Variants in OR3A2 observed in about 807,000 individuals in gnomAD.
The protein encoded by OR3A2 is olfactory receptor family 3 subfamily A member 2.
For synonymous variants in OR3A2, 126 were observed against 159.3 expected (o/e 0.79, Z 1.57); for missense variants, 318 against 392.8 (o/e 0.81, Z 1.61).
chr17:3,349,855 A>G (rs1391862239), intron 2 of OR3A2, among the ~76,000 whole-genome samples: 1 of 152,292 alleles, frequency 6.6e-6, no homozygotes, highest in Admixed American at 6.5e-5. Flanking sequence ...GTGCAATCAA[A>G]CTAGAACTCA....
chr17:3,363,832 G>A (rs532942446), intron 2 of OR3A2, among the ~76,000 whole-genome samples: 3 of 152,322 alleles, frequency 2.0e-5, no homozygotes, highest in East Asian at 1.9e-4. Flanking sequence ...AGAAGGTGAA[G>A]CAGAAACAAG....
At chr17:3,320,473 T>C (rs1461113599) in intron 3 of OR3A2, among the ~76,000 whole-genome samples, 1 of 125,836 alleles carries the variant, frequency 7.9e-6, no homozygotes, top group Admixed American at 9.1e-5. Flanking sequence ...TCCTGAATGG[T>C]ATTGCATAGG....
rs199598982 is a variant in OR3A2, at chr17:3,300,691, TC to T, written c.-84-21539del. Reference sequence around the variant, plus strand: ...AAATATTGAGCAACAAAAATTTTTTTCTTTTTTTTTTAAATTATACTTTAAG... The same window carrying T: ...AAATATTGAGCAACAAAAATTTTTTTTTTTTTTTTTAAATTATACTTTAAG... On this transcript the variant is annotated intron_variant, in intron 3 of 4. Transcript: ENST00000573491. Among the ~76,000 whole-genome samples the T allele has an allele frequency of 2.6e-5, 3 of 114,660 alleles. No homozygotes were observed. In the East Asian group the frequency reaches 6.7e-3, roughly 257 times the overall value. The allele number at this position is 114,660 out of a possible 152,430, so 75.2% of individuals were successfully genotyped here.
chr17:3,337,677 A>T (rs954684026), intron 2 of OR3A2, among the ~76,000 whole-genome samples: 3 of 152,124 alleles, frequency 2.0e-5, no homozygotes, highest in East Asian at 1.9e-4. Flanking sequence ...TCTATCACTG[A>T]TGGACATTTG....
intron 2 of OR3A2, among the ~76,000 whole-genome samples, chr17:3,345,658 G>T (rs1049213981): frequency 6.6e-6 from 1 of 151,944 alleles, no homozygotes; most frequent in Admixed American, 6.6e-5. Context: ...AAGTCTCCCA[G>T]AAAGTAGAGA....
chr17:3,332,600 T>A (rs929174706), intron 3 of OR3A2, among the ~76,000 whole-genome samples: 2 of 152,212 alleles, frequency 1.3e-5, no homozygotes, highest in African/African-American at 4.8e-5. Context: ...GCCCACTGTC[T>A]GGCACTCCCT....
chr17:3,280,132 G>A (rs1270734629), intron 1 of OR3A2, among the ~76,000 whole-genome samples: 1 of 152,150 alleles, frequency 6.6e-6, no homozygotes, highest in Non-Finnish European at 1.5e-5. Context: ...GCCGCCAGGT[G>A]CAGTTACATT....
intron 2 of OR3A2, among the ~76,000 whole-genome samples, chr17:3,342,991 C>T (rs9899523): frequency 0.045 from 6,835 of 152,292 alleles, 514 homozygotes; most frequent in African/African-American, 0.15. Context: ...CCAGGCTTGC[C>T]GCCTTGCAGT....
intron 2 of OR3A2, among the ~76,000 whole-genome samples, chr17:3,369,729 G>A (rs1366435766): frequency 6.6e-6 from 1 of 151,128 alleles, no homozygotes; most frequent in African/African-American, 2.4e-5. Context: ...TTAGTATTAG[G>A]GTAATCCTGG....
intron 3 of OR3A2, among the ~76,000 whole-genome samples, chr17:3,303,780 T>A (rs1354174123): frequency 2.0e-5 from 3 of 147,670 alleles, no homozygotes; most frequent in Admixed American, 6.8e-5. Flanking sequence ...TAATCCCAGC[T>A]ACTGGGGAAG....
chr17:3,290,784 A>T lies in OR3A2; in HGVS notation c.-84-11631T>A, dbSNP rs149197875. Among the ~76,000 whole-genome samples, 840 of 152,342 alleles carry T rather than the reference A, an allele frequency of 5.5e-3. 12 individuals are homozygous for T. Among genetic ancestry groups the T allele is most frequent in the African/African-American group, 0.019 (804 of 41,568 alleles). ...CACCATATGACTTGCATTTATAGTTATGGATTATCTCAGCAAGGAGGTTTG... is the reference window on the plus strand; with the variant it reads ...CACCATATGACTTGCATTTATAGTTTTGGATTATCTCAGCAAGGAGGTTTG... On this transcript the variant is annotated intron_variant, in intron 3 of 4. Coordinates refer to the OR3A2 transcript ENST00000573491.
At chr17:3,286,244 C>CTCAT (rs2048809381), upstream of OR3A2, among the ~76,000 whole-genome samples, 1 of 152,212 alleles carries the variant, frequency 6.6e-6, no homozygotes, top group Non-Finnish European at 1.5e-5. Flanking sequence ...AGGTCATGAA[C>CTCAT]TCATCCTTTT....
chr17:3,371,418 G>C (rs182265231), intron 2 of OR3A2, among the ~76,000 whole-genome samples: 11,840 of 142,656 alleles, frequency 0.083, 615 homozygotes, highest in Admixed American at 0.13. Flanking sequence ...GGCTGGGCAG[G>C]GGGCTGACCC....
intron 2 of OR3A2, among the ~76,000 whole-genome samples, chr17:3,374,429 C>T (rs2049661751): frequency 6.6e-6 from 1 of 152,154 alleles, no homozygotes; most frequent in East Asian, 1.9e-4. Context: ...CTCAGGAACA[C>T]CAATTATTCT....
intron 2 of OR3A2, among the ~76,000 whole-genome samples, chr17:3,375,373 A>G (rs1024559935): frequency 1.3e-5 from 2 of 148,618 alleles, no homozygotes; most frequent in African/African-American, 5.0e-5. Context: ...CACGATCTCA[A>G]TTCACTGCAA....
intron 3 of OR3A2, chr17:3,310,923 G>T (rs2049037916): frequency 1.5e-6 from 1 of 646,354 alleles, no homozygotes; most frequent in East Asian, 4.8e-5. Context: ...GCTGTTTGTA[G>T]CAGCAGCTTT....
chr17:3,368,214 G>A (rs747841725), intron 2 of OR3A2, among the ~76,000 whole-genome samples: 19 of 151,966 alleles, frequency 1.3e-4, no homozygotes, highest in Non-Finnish European at 1.2e-4. Context: ...TATTTCTTTC[G>A]CGGTGCATAA....
intron 2 of OR3A2, among the ~76,000 whole-genome samples, chr17:3,371,987 CG>C (rs1567571289): frequency 3.5e-5 from 5 of 143,824 alleles, no homozygotes; most frequent in Admixed American, 1.4e-4. Flanking sequence ...ACTTCCCAGA[CG>C]GGGTGGCTGC....
chr17:3,305,222 T>A (rs1359429659), intron 3 of OR3A2, among the ~76,000 whole-genome samples: 2 of 152,100 alleles, frequency 1.3e-5, no homozygotes. Context: ...GATGTCTGCG[T>A]CTAGAGGGGT....
Sources: allele counts gnomAD v4.1 joint callset (sites outside exome capture counted in the v4.1 genomes callset), GRCh38; gene constraint gnomAD v4.1.1; transcripts MANE v1.5; gene names NCBI Gene and HGNC (gene_info 2026-07-23, HGNC 2026-07-21).